ADAMTS12: variants seen among roughly 807,000 people sequenced by gnomAD.
ADAMTS12 encodes the protein ADAM metallopeptidase with thrombospondin type 1 motif 12.
A neutral mutation model predicts 167.8 loss-of-function variants in ADAMTS12; 118 were observed. That is an observed-to-expected ratio of 0.70 (90% CI 0.61 to 0.82). The LOEUF (loss-of-function observed/expected upper bound fraction) is 0.82, where lower values mean the gene tolerates loss of function less well. Ranked by LOEUF, ADAMTS12 falls within the 40% of genes least tolerant of loss-of-function variation. ADAMTS12 has a pLI of 0.00. For missense variants in ADAMTS12, 1,916 were observed against 1,998.8 expected, an observed-to-expected ratio of 0.96 and a Z score of 0.79; for synonymous variants, 704 against 716.9, an observed-to-expected ratio of 0.98 and a Z score of 0.29.
At chr5:33,787,005 T>C (rs1245657063) in intron 2 of ADAMTS12, among the ~76,000 whole-genome samples, 2 of 135,468 alleles carry the variant, frequency 1.5e-5, no homozygotes, top group African/African-American at 3.1e-5. Context: ...TCGTTCTACA[T>C]ATTAGTCATG....
intron 1 of ADAMTS12, among the ~76,000 whole-genome samples, chr5:33,889,281 T>C (rs1363494348): frequency 7.4e-6 from 1 of 134,830 alleles, no homozygotes; most frequent in Non-Finnish European, 1.6e-5. Context: ...AGACCTCATC[T>C]CTATTAAAAA....
At chr5:33,547,873 C>T (rs2111824410) in intron 21 of ADAMTS12, among the ~76,000 whole-genome samples, 1 of 152,334 alleles carries the variant, frequency 6.6e-6, no homozygotes, top group Middle Eastern at 3.4e-3. Flanking sequence ...GCTGCCTAAA[C>T]AGGTCCAGGC....
At chr5:33,688,310 C>T (rs753548659) in intron 3 of ADAMTS12, among the ~76,000 whole-genome samples, 4 of 151,780 alleles carry the variant, frequency 2.6e-5, no homozygotes, top group African/African-American at 9.7e-5. Context: ...TCCAGCCAAA[C>T]GGGCAGCTTA....
At chr5:33,593,252 T>A (rs1747737090) in intron 17 of ADAMTS12, among the ~76,000 whole-genome samples, 2 of 152,198 alleles carry the variant, frequency 1.3e-5, no homozygotes, top group South Asian at 4.1e-4. Flanking sequence ...TTTTATTGTG[T>A]TTTAATGTGA....
At chr5:33,593,753 TGGGTTGATA>T (rs1747764922) in intron 17 of ADAMTS12, among the ~76,000 whole-genome samples, 1 of 152,044 alleles carries the variant, frequency 6.6e-6, no homozygotes, top group South Asian at 2.1e-4. Context: ...ACCTAGATGA[TGGGTTGATA>T]GGTGCAGCAA....
chr5:33,566,291 C>A (rs183362840), intron 19 of ADAMTS12, among the ~76,000 whole-genome samples: 1 of 152,222 alleles, frequency 6.6e-6, no homozygotes, highest in East Asian at 1.9e-4. Context: ...GCAAGACTCC[C>A]ATCTCTGCAA....
At chr5:33,558,157 C>G (rs907133647) in intron 20 of ADAMTS12, among the ~76,000 whole-genome samples, 1 of 151,974 alleles carries the variant, frequency 6.6e-6, no homozygotes, top group Admixed American at 6.6e-5. Context: ...AACCATTCCC[C>G]CAGTCCGTGG....
intron 20 of ADAMTS12, among the ~76,000 whole-genome samples, chr5:33,559,148 A>G (rs542862022): frequency 6.6e-6 from 1 of 152,286 alleles, no homozygotes; most frequent in South Asian, 2.1e-4. Context: ...GCTCTTCACT[A>G]GATGAAGAAA....
intron 2 of ADAMTS12, among the ~76,000 whole-genome samples, chr5:33,754,356 T>C (rs1477939330): frequency 6.6e-6 from 1 of 152,216 alleles, no homozygotes; most frequent in African/African-American, 2.4e-5. Flanking sequence ...GAGGAAAAAG[T>C]ATCCAATTTA....
At chr5:33,557,722 A>G (rs555442239) in intron 20 of ADAMTS12, among the ~76,000 whole-genome samples, 2 of 152,160 alleles carry the variant, frequency 1.3e-5, no homozygotes, top group Non-Finnish European at 2.9e-5. Flanking sequence ...GGGATCCCCA[A>G]TCCCCCAGTC....
chr5:33,606,115 T>G (rs1387247541), intron 16 of ADAMTS12, among the ~76,000 whole-genome samples: 8 of 152,260 alleles, frequency 5.3e-5, no homozygotes, highest in Admixed American at 5.2e-4. Flanking sequence ...GCCTGGCTAA[T>G]TTTTGTATTT....
intron 1 of ADAMTS12, 115 bp from the exon 2 acceptor site, chr5:33,881,595 C>G (rs1750449240): frequency 1.4e-6 from 2 of 1,427,560 alleles, no homozygotes; most frequent in Middle Eastern, 2.0e-4. Context: ...GAGTTTTGCT[C>G]TTGTTTCCCA....
chr5:33,750,578 T>G (rs1744938746), intron 3 of ADAMTS12, among the ~76,000 whole-genome samples: 1 of 152,242 alleles, frequency 6.6e-6, no homozygotes, highest in African/African-American at 2.4e-5. Flanking sequence ...TAGGGATTCC[T>G]TTTGTTAACA....
Position 33,524,973 on chromosome 5 carries a change from G to C in ADAMTS12, c.*2215C>G, listed in dbSNP as rs1743747263. Reference sequence around the variant, plus strand: ...CGGAGAAATTTGGCCTAGTTTAGTTGGTTGAGGTCAGTAGGAATCTGAGTT... The same window carrying C: ...CGGAGAAATTTGGCCTAGTTTAGTTCGTTGAGGTCAGTAGGAATCTGAGTT... On this transcript the variant is annotated 3_prime_UTR_variant, in exon 24 of 24. Transcript: ENST00000504830. 6.6e-6 allele frequency: 1 copy of C among 152,196 alleles called. No homozygotes were observed. The highest frequency in any genetic ancestry group is 2.4e-5 in the African/African-American group (1 of 41,452). The allele number at this position is 152,196 out of a possible 1,614,324, so 9.4% of individuals were successfully genotyped here.
intron 5 of ADAMTS12, 140 bp from the exon 6 acceptor site, chr5:33,662,180 G>C: frequency 9.7e-7 from 1 of 1,026,840 alleles, no homozygotes; most frequent in South Asian, 1.6e-5. Context: ...TCATGTGGCA[G>C]AGGCCAACTG....
chr5:33,883,327 G>GTTTTTTTTTTTTTTTTTTTTT (rs79064946), intron 1 of ADAMTS12, among the ~76,000 whole-genome samples: 2 of 111,604 alleles, frequency 1.8e-5, no homozygotes, highest in Non-Finnish European at 3.8e-5. Flanking sequence ...TTTTTTTTTT[G>GTTTTTTTTTTTTTTTTTTTTT]TTTTTTTTTT....
intron 17 of ADAMTS12, among the ~76,000 whole-genome samples, chr5:33,589,097 G>T (rs548112907): frequency 6.6e-6 from 1 of 152,182 alleles, no homozygotes; most frequent in Non-Finnish European, 1.5e-5. Context: ...TGAGGTCCAG[G>T]GTTCTGCTGT....
In ADAMTS12 at chr5:33,876,245, T is replaced by C. The variant is rs915253473; in HGVS notation, c.489+4874A>G. On this transcript the variant is annotated intron_variant, in intron 2 of 23. Coordinates refer to ENST00000504830, the MANE Select transcript of ADAMTS12 (RefSeq NM_030955.4). The stretch of plus-strand genomic sequence containing the variant: ...TTCCCAAACTAATATATAGATGTAA[T>C]ACAATTCCTGTTAAAATCCCAGCAA... Among the ~76,000 whole-genome samples the C allele has an allele frequency of 2.0e-5, 3 of 152,182 alleles. 1 individual carries two copies. Among genetic ancestry groups the C allele is most frequent in the South Asian group, 4.1e-4 (2 of 4,832 alleles).
intron 2 of ADAMTS12, among the ~76,000 whole-genome samples, chr5:33,864,938 T>A (rs749235767): frequency 6.6e-6 from 1 of 151,958 alleles, no homozygotes; most frequent in East Asian, 1.9e-4. Context: ...TGTATACCTA[T>A]GTAACAAACC....
Sources: allele counts gnomAD v4.1 joint callset (sites outside exome capture counted in the v4.1 genomes callset), GRCh38; gene constraint gnomAD v4.1.1; transcripts MANE v1.5; gene names NCBI Gene and HGNC (gene_info 2026-07-23, HGNC 2026-07-21).